RALGAPA2: variants seen among roughly 807,000 people sequenced by gnomAD.
RALGAPA2 encodes ral GTPase-activating protein subunit alpha-2.
A neutral mutation model predicts 230.4 loss-of-function variants in RALGAPA2; 139 were observed. The observed-to-expected ratio is 0.60, with a 90% CI of 0.53 to 0.69. The LOEUF (loss-of-function observed/expected upper bound fraction) is 0.69, where lower values mean the gene tolerates loss of function less well. Ranked by LOEUF, RALGAPA2 falls within the 30% of genes least tolerant of loss-of-function variation. The pLI is 0.00. For missense variants in RALGAPA2, 2,163 were observed against 2,276.0 expected, an observed-to-expected ratio of 0.95 and a Z score of 1.01; for synonymous variants, 847 against 837.8, an observed-to-expected ratio of 1.01 and a Z score of -0.19.
At chr20:20,646,839 A>G (rs2067231617) in intron 4 of RALGAPA2, among the ~76,000 whole-genome samples, 1 of 152,198 alleles carries the variant, frequency 6.6e-6, no homozygotes, top group Non-Finnish European at 1.5e-5. Flanking sequence ...GCTGAACCAT[A>G]TAGGAACCAG....
intron 23 of RALGAPA2, among the ~76,000 whole-genome samples, chr20:20,557,873 G>T (rs1185116153): frequency 6.6e-6 from 1 of 152,042 alleles, no homozygotes; most frequent in Non-Finnish European, 1.5e-5. Context: ...TTACCAGCAA[G>T]GTTTAAAAAC....
intron 23 of RALGAPA2, among the ~76,000 whole-genome samples, chr20:20,567,321 T>C (rs1297954849): frequency 6.6e-6 from 1 of 152,210 alleles, no homozygotes; most frequent in Non-Finnish European, 1.5e-5. Context: ...CAAACTATTT[T>C]GGGGAATTCT....
intron 38 of RALGAPA2, among the ~76,000 whole-genome samples, chr20:20,402,927 C>G (rs1368715836): frequency 6.6e-6 from 1 of 152,216 alleles, no homozygotes; most frequent in Non-Finnish European, 1.5e-5. Flanking sequence ...CCCTGGCTCA[C>G]TCAGCTCTAA....
intron 23 of RALGAPA2, among the ~76,000 whole-genome samples, chr20:20,552,031 T>A (rs2063939628): frequency 6.6e-6 from 1 of 152,156 alleles, no homozygotes; most frequent in East Asian, 1.9e-4. Context: ...TGGGGGAAAA[T>A]GTTCACTTTA....
intron 1 of RALGAPA2, among the ~76,000 whole-genome samples, chr20:20,700,438 C>A (rs575189862): frequency 6.6e-6 from 1 of 152,172 alleles, no homozygotes; most frequent in Admixed American, 6.5e-5. Flanking sequence ...CACATGTACC[C>A]CCTGTACCTA....
intron 37 of RALGAPA2, chr20:20,471,300 C>T (rs1384476320): frequency 1.3e-5 from 2 of 148,460 alleles, no homozygotes; most frequent in African/African-American, 2.5e-5. Context: ...CAGTGTTAAA[C>T]AAAATAACAA....
chr20:20,623,698 C>T (rs2066394797), intron 10 of RALGAPA2, among the ~76,000 whole-genome samples: 1 of 152,272 alleles, frequency 6.6e-6, no homozygotes. Flanking sequence ...TGTCATCCAG[C>T]TCATTCTCTC....
intron 39 of RALGAPA2, among the ~76,000 whole-genome samples, chr20:20,394,889 C>CAAAAAAAAAAAAAAAAAAAAAAAAGA (rs10673778): frequency 2.2e-5 from 1 of 44,648 alleles, no homozygotes; most frequent in African/African-American, 9.2e-5. Flanking sequence ...AATAAATAAG[C>CAAAAAAAAAAAAAAAAAAAAAAAAGA]AAAAAAAAAA....
chr20:20,535,846 G>A, intron 25 of RALGAPA2, 43 bp from the exon 26 acceptor site: 1 of 1,531,240 alleles, frequency 6.5e-7, no homozygotes, highest in Non-Finnish European at 8.8e-7. Context: ...TTGTGTCATA[G>A]TTGGTTTCCC....
intron 37 of RALGAPA2, among the ~76,000 whole-genome samples, chr20:20,442,857 C>T (rs962857109): frequency 8.5e-5 from 13 of 152,250 alleles, no homozygotes; most frequent in Admixed American, 7.2e-4. Context: ...CCACTTTAAT[C>T]TCTCTAGAAA....
In RALGAPA2 at chr20:20,421,817, A is replaced by G. The variant is rs548016565; in HGVS notation, c.5496-9669T>C. ...GAGAACTGAAAATATATGTTCACAT[A>G]AAAACTTGCCAACAAATGTTCATAG... is the stretch of plus-strand genomic sequence containing the variant. On this transcript the variant is annotated intron_variant, in intron 37 of 39. Coordinates refer to ENST00000202677, the MANE Select transcript of RALGAPA2 (RefSeq NM_020343.4). Among the ~76,000 whole-genome samples, 9 of 152,370 alleles carry G rather than the reference A, an allele frequency of 5.9e-5. No homozygotes were observed. The South Asian group carries it at 1.0e-3, about 18-fold the overall frequency.
intron 20 of RALGAPA2, among the ~76,000 whole-genome samples, chr20:20,573,348 C>G (rs1255999815): frequency 6.6e-6 from 1 of 151,974 alleles, no homozygotes; most frequent in African/African-American, 2.4e-5. Context: ...AGAGGGAGAC[C>G]CTTGAGCAGG....
chr20:20,607,124 C>T (rs1403539469), intron 14 of RALGAPA2, among the ~76,000 whole-genome samples: 1 of 152,120 alleles, frequency 6.6e-6, no homozygotes, highest in Admixed American at 6.5e-5. Flanking sequence ...TTCTTCTTTG[C>T]GTAGGTGAGT....
intron 24 of RALGAPA2, among the ~76,000 whole-genome samples, chr20:20,538,803 G>T (rs73290982): frequency 0.012 from 1,846 of 152,188 alleles, 38 homozygotes; most frequent in African/African-American, 0.043. Context: ...ACAGAGGTAG[G>T]AGCCCTGAGG....
chr20:20,588,804 C>T (rs1356613846), intron 18 of RALGAPA2, among the ~76,000 whole-genome samples: 3 of 151,784 alleles, frequency 2.0e-5, no homozygotes, highest in South Asian at 4.2e-4. Context: ...GAGTTATGGG[C>T]TTATGTTTTA....
intron 18 of RALGAPA2, among the ~76,000 whole-genome samples, chr20:20,587,785 G>A (rs924498038): frequency 6.6e-6 from 1 of 151,884 alleles, no homozygotes; most frequent in African/African-American, 2.4e-5. Flanking sequence ...CAAAGAGCTA[G>A]TAAATATAAA....
At chr20:20,597,207 T>C (rs2065481306) in intron 16 of RALGAPA2, among the ~76,000 whole-genome samples, 2 of 152,202 alleles carry the variant, frequency 1.3e-5, no homozygotes, top group African/African-American at 4.8e-5. Flanking sequence ...AAAAAAATTC[T>C]TTTGGGGTGT....
intron 9 of RALGAPA2, 91 bp from the exon 10 acceptor site, chr20:20,629,681 C>T: frequency 3.0e-6 from 4 of 1,327,460 alleles, no homozygotes; most frequent in Non-Finnish European, 4.3e-6. Flanking sequence ...TTAAGTAACT[C>T]TGGTTACCAT....
intron 37 of RALGAPA2, among the ~76,000 whole-genome samples, chr20:20,460,412 T>G (rs2061274365): frequency 6.6e-6 from 1 of 152,314 alleles, no homozygotes; most frequent in African/African-American, 2.4e-5. Context: ...CTATGACATG[T>G]TACCTGCTAA....
Sources: gnomAD v4.1 joint callset for allele counts (sites outside exome capture counted in the v4.1 genomes callset) on GRCh38, gnomAD v4.1.1 for gene constraint, MANE v1.5 for transcripts, NCBI Gene and HGNC (gene_info 2026-07-23, HGNC 2026-07-21) for gene names.